GSE1: variants seen among roughly 807,000 people sequenced by gnomAD.
GSE1 encodes the protein genetic suppressor element 1.
In GSE1, 32 loss-of-function variants were observed where a neutral mutation model predicts 112.6. That is an observed-to-expected ratio of 0.28 (90% CI 0.21 to 0.38). The LOEUF (loss-of-function observed/expected upper bound fraction) is 0.38. Ranked by LOEUF, GSE1 falls within the 10% of genes least tolerant of loss-of-function variation. GSE1 has a pLI of 1.00. For missense variants in GSE1, 2,348 were observed against 1,699.2 expected, an observed-to-expected ratio of 1.38 and a Z score of -6.71; for synonymous variants, 1,115 against 735.6, an observed-to-expected ratio of 1.52 and a Z score of -8.35.
intron 2 of GSE1, among the ~76,000 whole-genome samples, chr16:85,409,261 T>C (rs75046203): frequency 9.2e-4 from 28 of 30,284 alleles, no homozygotes; most frequent in South Asian, 1.7e-3. Context: ...TAATCCTCAC[T>C]GTTGCACTCA....
intron 1 of GSE1, among the ~76,000 whole-genome samples, chr16:85,567,873 C>T (rs767593397): frequency 1.3e-5 from 2 of 152,074 alleles, no homozygotes; most frequent in African/African-American, 2.4e-5. Flanking sequence ...CACGTATGCA[C>T]CACCACACCT....
chr16:85,490,689 C>T (rs1179362158), intron 2 of GSE1: 6 of 152,248 alleles, frequency 3.9e-5, no homozygotes, highest in Admixed American at 2.0e-4. Context: ...ACGGAGAGCA[C>T]TGTGACTCCA....
chr16:85,384,915 G>A (rs913358081), intron 2 of GSE1, among the ~76,000 whole-genome samples: 1 of 152,240 alleles, frequency 6.6e-6, no homozygotes, highest in Non-Finnish European at 1.5e-5. Context: ...CAAGCAGGTA[G>A]GAGATCCGGC....
chr16:85,533,456 G>C (rs2044204231), intron 2 of GSE1, among the ~76,000 whole-genome samples: 1 of 151,974 alleles, frequency 6.6e-6, no homozygotes, highest in Non-Finnish European at 1.5e-5. Flanking sequence ...AAAAATCTCT[G>C]TTTGCATATG....
At chr16:85,251,599 C>T (rs576916672) in intron 1 of GSE1, among the ~76,000 whole-genome samples, 3 of 152,362 alleles carry the variant, frequency 2.0e-5, no homozygotes, top group Admixed American at 6.5e-5. Context: ...GGGGCTGGGC[C>T]CGGGGCCTGC....
At chr16:85,413,682 AG>A in intron 2 of GSE1, among the ~76,000 whole-genome samples, 1 of 152,284 alleles carries the variant, frequency 6.6e-6, no homozygotes, top group Non-Finnish European at 1.5e-5. Context: ...CAATTCAAAA[AG>A]GGGGTGAGGA....
chr16:85,482,977 C>CAAAAAAA (rs3054201), intron 2 of GSE1, among the ~76,000 whole-genome samples: 1 of 48,298 alleles, frequency 2.1e-5, no homozygotes, highest in African/African-American at 7.1e-5. Context: ...GACTCCGTCT[C>CAAAAAAA]AAAAAAAAAA....
intron 1 of GSE1, among the ~76,000 whole-genome samples, chr16:85,241,724 G>A (rs1052156444): frequency 1.3e-5 from 2 of 152,118 alleles, no homozygotes; most frequent in Non-Finnish European, 2.9e-5. Context: ...CTAGGGTGGT[G>A]TGGGAGGGCT....
chr16:85,385,136 G>A (rs2047659139), intron 2 of GSE1, among the ~76,000 whole-genome samples: 11 of 152,244 alleles, frequency 7.2e-5, no homozygotes, highest in Admixed American at 7.2e-4. Flanking sequence ...GTGCCACCCT[G>A]GGCCGAGCCA....
At chr16:85,638,500 G>T (rs2050186552) in intron 2 of GSE1, among the ~76,000 whole-genome samples, 1 of 152,162 alleles carries the variant, frequency 6.6e-6, no homozygotes. Context: ...GTGTGATCCG[G>T]GCAGGCCGCT....
chr16:85,269,689 G>A (rs780137046), intron 1 of GSE1, among the ~76,000 whole-genome samples: 1 of 149,108 alleles, frequency 6.7e-6, no homozygotes, highest in Non-Finnish European at 1.5e-5. Context: ...TGAAGCCCAA[G>A]CCATGGGGAA....
At chr16:85,618,340 G>A (rs1166820836) in intron 1 of GSE1, among the ~76,000 whole-genome samples, 1 of 152,202 alleles carries the variant, frequency 6.6e-6, no homozygotes, top group Non-Finnish European at 1.5e-5. Flanking sequence ...AGGATGAGAT[G>A]CTGTAATGCC....
rs2046118768 is a variant in GSE1, at chr16:85,574,045, C to T, written c.37+17682C>T. On this transcript the variant is annotated intron_variant, in intron 1 of 2. Transcript: ENST00000635906. Reference sequence around the variant, plus strand: ...CGCGGGGACTGGCTTGGGAGAGGCCCGCTCCCCACACATGGCGGGCGGGGG... The same window carrying T: ...CGCGGGGACTGGCTTGGGAGAGGCCTGCTCCCCACACATGGCGGGCGGGGG... Among the ~76,000 whole-genome samples, 5 of 152,184 alleles carry T rather than the reference C, an allele frequency of 3.3e-5. No individual in the cohort carries two copies. In the South Asian group the frequency reaches 6.2e-4, roughly 19 times the overall value.
At chr16:85,236,154 CG>C (rs1904639375) in intron 1 of GSE1, among the ~76,000 whole-genome samples, 1 of 152,116 alleles carries the variant, frequency 6.6e-6, no homozygotes, top group Non-Finnish European at 1.5e-5. Flanking sequence ...AGAGGGCGGC[CG>C]GGCTCGGGTT....
exon 1 of GSE1, chr16:85,170,532 G>C (rs896321510): frequency 6.1e-6 from 6 of 985,708 alleles, no homozygotes; most frequent in African/African-American, 3.5e-5. Context: ...ACAAGGAACA[G>C]CCTTTCCCAG....
chr16:85,379,967 C>G (rs1307699357), intron 2 of GSE1, among the ~76,000 whole-genome samples: 1 of 152,262 alleles, frequency 6.6e-6, no homozygotes, highest in African/African-American at 2.4e-5. Context: ...TACCCCTGCC[C>G]TGCCAAGCAT....
At chr16:85,484,271 A>G (rs1466919522) in intron 2 of GSE1, among the ~76,000 whole-genome samples, 2 of 152,220 alleles carry the variant, frequency 1.3e-5, no homozygotes, top group Non-Finnish European at 2.9e-5. Context: ...GTCCCCTGGG[A>G]ACCAGGAGAG....
At chr16:85,497,915 A>G (rs932058867) in intron 2 of GSE1, among the ~76,000 whole-genome samples, 4 of 152,150 alleles carry the variant, frequency 2.6e-5, no homozygotes, top group African/African-American at 4.8e-5. Context: ...CAGATGGGAA[A>G]CCAAAGCCTG....
At chr16:85,518,856 C>A (rs1234328788) in intron 2 of GSE1, among the ~76,000 whole-genome samples, 1 of 152,182 alleles carries the variant, frequency 6.6e-6, no homozygotes, top group East Asian at 1.9e-4. Context: ...GAAGCCCTGT[C>A]TTGCCACCCA....
Sources: gnomAD v4.1 joint callset for allele counts (sites outside exome capture counted in the v4.1 genomes callset) on GRCh38, gnomAD v4.1.1 for gene constraint, MANE v1.5 for transcripts, NCBI Gene and HGNC (gene_info 2026-07-23, HGNC 2026-07-21) for gene names.